Variants in ZFP28 observed in about 807,000 individuals in gnomAD.
ZFP28 encodes zinc finger protein 28 homolog.
In ZFP28, 31 loss-of-function variants were observed where a neutral mutation model predicts 39.5. The observed-to-expected ratio is 0.79, with a 90% CI of 0.59 to 1.06. The LOEUF (loss-of-function observed/expected upper bound fraction) is 1.06, where lower values mean the gene tolerates loss of function less well. ZFP28 is among the 50% of genes least tolerant of loss of function. ZFP28 has a pLI of 0.00. For missense variants in ZFP28, 925 were observed against 1,048.4 expected, an observed-to-expected ratio of 0.88 and a Z score of 1.63; for synonymous variants, 400 against 378.6, an observed-to-expected ratio of 1.06 and a Z score of -0.66.
At chr19:56,548,443 C>T (rs1478096240) in intron 4 of ZFP28, 2 of 152,462 alleles carry the variant, frequency 1.3e-5, no homozygotes, top group African/African-American at 4.8e-5. Context: ...AGGATCTGGA[C>T]TTTTATTAGT....
intron 7 of ZFP28, chr19:56,551,649 A>G (rs2044304666): frequency 2.1e-5 from 21 of 985,428 alleles, no homozygotes; most frequent in Non-Finnish European, 2.3e-5. Context: ...TAGATGTATG[A>G]GTTTAATTGC....
chr19:56,537,467 G>T (rs1452190637), upstream of ZFP28, among the ~76,000 whole-genome samples: 1 of 152,196 alleles, frequency 6.6e-6, no homozygotes, highest in Non-Finnish European at 1.5e-5. Context: ...GACTGGGGAG[G>T]TGAGTATTAT....
Position 56,549,105 on chromosome 19 carries a change from TGTTTGAGACACAGCCG to T in ZFP28, c.674_687+2del. The stretch of plus-strand genomic sequence containing the variant: ...GGGGAACACTGGGATTATGATGCTC[TGTTTGAGACACAGCCG>T]GTAAGTCACAAGACAAATTTCAGGC... On this transcript the variant is annotated frameshift_variant and splice_region_variant, in exon 5 of 8. Coordinates refer to ENST00000301318, the MANE Select transcript of ZFP28 (RefSeq NM_020828.2). LOFTEE classifies it high-confidence loss of function. 2 of 1,607,416 alleles carry T rather than the reference TGTTTGAGACACAGCCG, an allele frequency of 1.2e-6. No homozygotes were observed. Among genetic ancestry groups the T allele is most frequent in the Non-Finnish European group, 1.7e-6 (2 of 1,177,368 alleles).
Position 56,547,829 on chromosome 19 carries a change from T to C in ZFP28, c.450T>C (p.Asp150=), listed in dbSNP as rs199710693. ...TAGGACTTTGTGTTTCTAAGCCCGA[T>C]GTGATCTCCTCGTTGGAACAAGGAA... The part of the protein sequence containing the change: ...ASLGLCVSKP[D]VISSLEQGKE... Residue 150 remains aspartate, a synonymous_variant, in exon 4 of 8, where the codon GAT becomes GAC. Transcript: ENST00000301318. This position sits in a 1 kb window ranked among gnomAD's most constrained non-coding sequence, Gnocchi z 4.6. 2.5e-6 allele frequency: 4 copies of C among 1,614,126 alleles called. No homozygotes were observed. The highest frequency in any genetic ancestry group is 4.5e-5 in the East Asian group (2 of 44,862).
chr19:56,539,213 G>C lies in ZFP28; in HGVS notation c.195G>C (p.Gly65=). Residue 65 remains glycine, a synonymous_variant, in exon 1 of 8, where the codon GGG becomes GGC. Coordinates refer to ENST00000301318, the MANE Select transcript of ZFP28 (RefSeq NM_020828.2). ...GCCAGCGAGGAGCGGCCCCTACGGG[G>C]CCTGGGCACAGAGGTGAGAGTGACA... ...SKGQRGAAPT[G]PGHRALPSRD... 6.3e-7 allele frequency: 1 copy of C among 1,596,306 alleles called. No individual in the cohort carries two copies.
At chr19:56,548,912 A>G in intron 4 of ZFP28, 46 bp from the exon 5 acceptor site, 1 of 1,555,288 alleles carries the variant, frequency 6.4e-7, no homozygotes, top group Non-Finnish European at 8.7e-7. Context: ...TTTTCTTCAT[A>G]CTAACACATG....
Position 56,547,343 on chromosome 19 carries a change from C to G in ZFP28, c.301-165C>G, listed in dbSNP as rs1444216127. 12 of 1,004,530 alleles carry G rather than the reference C, an allele frequency of 1.2e-5. No homozygotes were observed. The highest frequency in any genetic ancestry group is 1.4e-5 in the Non-Finnish European group (10 of 691,428). The allele number at this position is 1,004,530 out of a possible 1,614,324, so 62.2% of individuals were successfully genotyped here. Reference sequence around the variant, plus strand: ...TATGACCTCATTTAACCCTAATTACCTCTTTGTAGGCCCTGTCTCTAAATA... The same window carrying G: ...TATGACCTCATTTAACCCTAATTACGTCTTTGTAGGCCCTGTCTCTAAATA... On this transcript the variant is annotated intron_variant, in intron 2 of 7. Coordinates refer to ENST00000301318, the MANE Select transcript of ZFP28 (RefSeq NM_020828.2). This position sits in a 1 kb window ranked among gnomAD's most constrained non-coding sequence, Gnocchi z 4.6.
upstream of ZFP28, chr19:56,537,786 T>G (rs188334968): frequency 6.6e-6 from 1 of 152,432 alleles, no homozygotes; most frequent in East Asian, 1.9e-4. Flanking sequence ...GCAGTGTGAC[T>G]GGGCGTGCAG....
At chr19:56,552,493 AGT>A (rs1238028447) in intron 7 of ZFP28, 2 of 152,166 alleles carry the variant, frequency 1.3e-5, no homozygotes, top group Non-Finnish European at 1.5e-5. Flanking sequence ...TTCTATTCAT[AGT>A]GTGTTTATAC....
At chr19:56,538,906 G>C (rs1054324326), upstream of ZFP28, 11 of 982,856 alleles carry the variant, frequency 1.1e-5, no homozygotes, top group Admixed American at 3.6e-4. Flanking sequence ...AGTGGATGCC[G>C]GGCCATGGGG....
At chr19:56,551,200 G>T (rs1409390254) in intron 7 of ZFP28, 1 of 986,632 alleles carries the variant, frequency 1.0e-6, no homozygotes, top group African/African-American at 1.7e-5. Context: ...AGGACAGGTG[G>T]GTAGAAGTTG....
Position 56,547,854 on chromosome 19 carries a change from A to C in ZFP28, c.475A>C (p.Lys159Gln). The part of the protein sequence containing the change: ...PDVISSLEQG[K>Q]EPWTVKRKMT... The stretch of plus-strand genomic sequence containing the variant: ...TGTGATCTCCTCGTTGGAACAAGGA[A>C]AAGAGCCTTGGACAGTGAAGCGAAA... The change falls in exon 4 of 8, where the codon AAA becomes CAA. Residue 159 changes from lysine (K) to glutamine (Q), a missense_variant. Coordinates refer to ENST00000301318, the MANE Select transcript of ZFP28 (RefSeq NM_020828.2). This position sits in a 1 kb window ranked among gnomAD's most constrained non-coding sequence, Gnocchi z 4.6. 6.2e-7 allele frequency: 1 copy of C among 1,614,162 alleles called. No homozygotes were observed. Among genetic ancestry groups the C allele is most frequent in the Non-Finnish European group, 8.5e-7 (1 of 1,180,032 alleles).
rs2044337204 is a variant in ZFP28 at position 56,554,915 on chromosome 19, T to TG, written c.2132dup (p.Asp712Ter). ...AATGTATGGAATGTGGGAAGGCCTT[T>TG]GGTGATAACTCATCCTGTACTCAAC... On this transcript the variant is annotated frameshift_variant, in exon 8 of 8. Transcript: ENST00000301318. LOFTEE classifies it low-confidence loss of function (END_TRUNC). This position sits in a 1 kb window ranked among gnomAD's most constrained non-coding sequence, Gnocchi z 6.7. The TG allele has an allele frequency of 1.9e-6, 3 of 1,614,040 alleles. No homozygotes were observed. The African/African-American group carries it at 4.0e-5, about 22-fold the overall frequency.
In ZFP28 at chr19:56,539,610, T is replaced by A. The variant is rs768232415; in HGVS notation, c.209-15T>A. ...TGGTGTAGACCTGGTCTCTAGCTAC[T>A]CCTTTCTCTTTCAGCTCTGCCTTCC... On this transcript the variant is annotated splice_polypyrimidine_tract_variant and intron_variant, in intron 1 of 7. Coordinates refer to ENST00000301318, the MANE Select transcript of ZFP28 (RefSeq NM_020828.2). The A allele has an allele frequency of 6.2e-7, 1 of 1,611,604 alleles. No individual in the cohort carries two copies. Among genetic ancestry groups the A allele is most frequent in the East Asian group, 2.2e-5 (1 of 44,842 alleles).
At chr19:56,551,280 A>T (rs1279334713) in intron 7 of ZFP28, 1 of 987,202 alleles carries the variant, frequency 1.0e-6, no homozygotes, top group East Asian at 1.1e-4. Flanking sequence ...AAATTTCCAT[A>T]GAAAATAATG....
intron 6 of ZFP28, 60 bp from the exon 7 acceptor site, chr19:56,550,450 G>T: frequency 7.0e-7 from 1 of 1,426,638 alleles, no homozygotes; most frequent in Non-Finnish European, 9.7e-7. Flanking sequence ...CAAGGAAGTG[G>T]TTCTCAATTT....
intron 7 of ZFP28, chr19:56,552,513 T>G (rs1427894031): frequency 6.6e-6 from 1 of 152,194 alleles, no homozygotes; most frequent in Non-Finnish European, 1.5e-5. Context: ...TACTCATTAG[T>G]CACATTTCTA....
rs745857558 is a variant in ZFP28 at position 56,555,224 on chromosome 19, T to C, written c.2439T>C (p.Tyr813=). The change falls in exon 8 of 8, where the codon TAT becomes TAC. Residue 813 remains tyrosine, a synonymous_variant. Transcript: ENST00000301318. The part of the protein sequence containing the change: ...HKRVHTGERS[Y]NYKKSRKVFR... ...GAGTTCATACTGGAGAGAGATCTTA[T>C]AACTATAAGAAAAGCAGAAAAGTCT... 1.2e-6 allele frequency: 2 copies of C among 1,613,972 alleles called. No homozygotes were observed. The highest frequency in any genetic ancestry group is 8.5e-7 in the Non-Finnish European group (1 of 1,179,982).
chr19:56,548,226 A>G (rs2044261209), intron 4 of ZFP28, among the ~76,000 whole-genome samples: 1 of 152,246 alleles, frequency 6.6e-6, no homozygotes, highest in Admixed American at 6.5e-5. Flanking sequence ...ACAACAGGAC[A>G]AGTTACTGAC....
Sources: gnomAD v4.1 joint callset for allele counts (sites outside exome capture counted in the v4.1 genomes callset) on GRCh38, gnomAD v4.1.1 for gene constraint, Gnocchi (gnomAD v3.1) non-coding constraint, MANE v1.5 for transcripts, NCBI Gene and HGNC (gene_info 2026-07-23, HGNC 2026-07-21) for gene names.